The following CRACR2A variants were observed in gnomAD, a reference collection of about 807,000 sequenced individuals.
CRACR2A encodes the protein calcium release activated channel regulator 2A.
Under a neutral mutation model 90.5 loss-of-function variants are expected in CRACR2A, and 79 were observed. The ratio of observed to expected loss-of-function variants is 0.87; its 90% CI spans 0.73 to 1.05. The LOEUF (loss-of-function observed/expected upper bound fraction) is 1.05. CRACR2A is among the 50% of genes least tolerant of loss of function. The probability of loss-of-function intolerance (pLI) is 0.00; values close to 1 mark genes in which losing one functional copy is unlikely to be tolerated. For synonymous variants in CRACR2A, 338 were observed against 356.7 expected (o/e 0.95, Z 0.59); for missense variants, 823 against 897.2 (o/e 0.92, Z 1.06).
chr12:3,699,807 C>T (rs1945806805), intron 3 of CRACR2A, among the ~76,000 whole-genome samples: 1 of 152,216 alleles, frequency 6.6e-6, no homozygotes, highest in Non-Finnish European at 1.5e-5. Flanking sequence ...GTAGTACTCA[C>T]TGATCATTGC....
At chr12:3,707,385 T>C (rs1237927829) in intron 3 of CRACR2A, among the ~76,000 whole-genome samples, 1 of 152,236 alleles carries the variant, frequency 6.6e-6, no homozygotes, top group Non-Finnish European at 1.5e-5. Context: ...TATTATAAGA[T>C]ACATTAAAAG....
At position 3,648,064 on chromosome 12, in the gene CRACR2A, G is replaced by A. The variant is rs183019170; in HGVS notation, c.1118+478C>T. On this transcript the variant is annotated intron_variant, in intron 11 of 19. Transcript: ENST00000440314. ...ATGAACAGAACACAGCCGAGTTACG[G>A]ATTTCCATTCTGGCCCCATCAGAGA... is the stretch of plus-strand genomic sequence containing the variant. 4.1e-5 allele frequency: 41 copies of A among 992,586 alleles called. No homozygotes were observed. The South Asian group carries it at 5.6e-4, about 13-fold the overall frequency. The allele number at this position is 992,586 out of a possible 1,614,324, so 61.5% of individuals were successfully genotyped here.
chr12:3,719,159 T>C (rs17698099), intron 2 of CRACR2A, among the ~76,000 whole-genome samples: 45,130 of 152,128 alleles, frequency 0.3, 7,194 homozygotes, highest in Non-Finnish European at 0.36. Context: ...AAATGGAGGC[T>C]GGATTCCAAC....
chr12:3,615,376 C>G lies in CRACR2A; in HGVS notation c.2175G>C (p.Lys725Asn). 6.4e-7 allele frequency: 1 copy of G among 1,551,650 alleles called. No individual in the cohort carries two copies. The highest frequency in any genetic ancestry group is 8.7e-7 in the Non-Finnish European group (1 of 1,146,952). The change falls in exon 20 of 20, where the codon AAG becomes AAC. Residue 725 changes from lysine (K) to asparagine (N), a missense_variant. Transcript: ENST00000440314. ...EDTIQVGHPA[K>N]KKSCCG ...CCTATCAGCCACAGCAGGATTTCTTCTTAGCAGGGTGGCCGACCTGAATGG... is the reference window on the plus strand; with the variant it reads ...CCTATCAGCCACAGCAGGATTTCTTGTTAGCAGGGTGGCCGACCTGAATGG...
chr12:3,665,231 T>A (rs1945110752), intron 7 of CRACR2A, among the ~76,000 whole-genome samples: 1 of 152,224 alleles, frequency 6.6e-6, no homozygotes, highest in Non-Finnish European at 1.5e-5. Context: ...TGAGCACTAA[T>A]ATTTATCCTC....
chr12:3,616,174 T>C (rs117377110), intron 19 of CRACR2A, among the ~76,000 whole-genome samples: 1 of 152,360 alleles, frequency 6.6e-6, no homozygotes, highest in Non-Finnish European at 1.5e-5. Context: ...TTCCTTGTGA[T>C]ACTCCATAAC....
intron 7 of CRACR2A, among the ~76,000 whole-genome samples, chr12:3,665,961 C>G (rs1355696076): frequency 2.0e-5 from 3 of 152,064 alleles, no homozygotes; most frequent in Non-Finnish European, 4.4e-5. Context: ...AGGAAAGGAA[C>G]TGATAGAAGA....
At chr12:3,725,910 G>A (rs956431437) in intron 2 of CRACR2A, 1 of 151,930 alleles carries the variant, frequency 6.6e-6, no homozygotes, top group Admixed American at 6.6e-5. Flanking sequence ...TCTCCTCCAG[G>A]ATTTTTTTTT....
intron 11 of CRACR2A, chr12:3,648,341 G>A: frequency 6.8e-7 from 1 of 1,480,204 alleles, no homozygotes; most frequent in Non-Finnish European, 8.9e-7. Context: ...ACTGGATGTG[G>A]GCGCATGTGT....
chr12:3,640,597 T>C (rs1944547233), intron 13 of CRACR2A: 1 of 1,298,112 alleles, frequency 7.7e-7, no homozygotes, highest in African/African-American at 1.5e-5. Context: ...TTGTATCTCA[T>C]TATTCAGCTA....
chr12:3,681,555 G>T (rs1236182402), intron 4 of CRACR2A, among the ~76,000 whole-genome samples: 1 of 152,134 alleles, frequency 6.6e-6, no homozygotes, highest in Non-Finnish European at 1.5e-5. Flanking sequence ...AAATAATCTA[G>T]GTCTCCAAAT....
intron 4 of CRACR2A, among the ~76,000 whole-genome samples, chr12:3,695,055 C>T (rs1388800949): frequency 6.6e-6 from 1 of 152,172 alleles, no homozygotes; most frequent in East Asian, 1.9e-4. Context: ...CTCCATGCCT[C>T]CTCATCCCTT....
At chr12:3,709,881 T>G (rs1945982829) in intron 3 of CRACR2A, among the ~76,000 whole-genome samples, 1 of 152,248 alleles carries the variant, frequency 6.6e-6, no homozygotes, top group South Asian at 2.1e-4. Flanking sequence ...ACAAAAATAA[T>G]GCACCCAGCA....
chr12:3,619,460 C>A lies in CRACR2A; in HGVS notation c.1933-88G>T, dbSNP rs564173908. On this transcript the variant is annotated intron_variant, in intron 17 of 19. Transcript: ENST00000440314. ...AACAATGCCGGCTGGACAGATGGGA[C>A]CTCGCTTGAGAATCCCCTGCTGCCA... The A allele has an allele frequency of 1.1e-3, 1,141 of 1,039,042 alleles. 20 individuals are homozygous for A. The South Asian group carries it at 0.014, about 13-fold the overall frequency. The allele number at this position is 1,039,042 out of a possible 1,614,324, so 64.4% of individuals were successfully genotyped here. A position where few individuals can be genotyped will look rare whatever the true frequency, so the allele number is the denominator to read the frequency against.
intron 10 of CRACR2A, among the ~76,000 whole-genome samples, chr12:3,653,724 C>A (rs1303694377): frequency 2.0e-5 from 3 of 152,190 alleles, no homozygotes; most frequent in African/African-American, 7.2e-5. Flanking sequence ...AGGGCAGTGA[C>A]ACATGCTCCA....
intron 12 of CRACR2A, among the ~76,000 whole-genome samples, 190 bp from the exon 13 acceptor site, chr12:3,642,028 C>T (rs1162562789): frequency 6.6e-6 from 1 of 152,112 alleles, no homozygotes; most frequent in Non-Finnish European, 1.5e-5. Context: ...CAGAATCCCT[C>T]CATCTCCTTT....
intron 1 of CRACR2A, among the ~76,000 whole-genome samples, chr12:3,750,928 C>T (rs146055791): frequency 6.6e-6 from 1 of 152,300 alleles, no homozygotes; most frequent in Non-Finnish European, 1.5e-5. Flanking sequence ...TCTCCAATCA[C>T]CCCCCACACC....
intron 14 of CRACR2A, among the ~76,000 whole-genome samples, chr12:3,637,850 A>T (rs1393996116): frequency 1.3e-5 from 2 of 152,220 alleles, no homozygotes; most frequent in East Asian, 3.8e-4. Context: ...CTGCTTTGCT[A>T]AGAATCCTTT....
intron 1 of CRACR2A, among the ~76,000 whole-genome samples, chr12:3,740,735 G>A (rs1382512862): frequency 2.0e-5 from 3 of 152,156 alleles, no homozygotes; most frequent in South Asian, 2.1e-4. Flanking sequence ...ACCCATTATG[G>A]TTATTGAGTG....
Sources: allele counts gnomAD v4.1 joint callset (sites outside exome capture counted in the v4.1 genomes callset), GRCh38; gene constraint gnomAD v4.1.1; transcripts MANE v1.5; gene names NCBI Gene and HGNC (gene_info 2026-07-23, HGNC 2026-07-21).